The following EMD variants were observed in gnomAD, a reference collection of about 807,000 sequenced individuals.
EMD encodes the protein emerin.
EMD carries 2 observed loss-of-function variants against 15.2 expected under a neutral mutation model. The observed-to-expected ratio is 0.13, with a 90% CI of 0.05 to 0.41. EMD has a LOEUF of 0.41. Ranked by LOEUF, EMD falls within the 10% of genes least tolerant of loss-of-function variation. EMD has a pLI of 0.99. For missense variants in EMD, 224 were observed against 213.4 expected (o/e 1.05, Z -0.31); for synonymous variants, 122 against 86.2 (o/e 1.42, Z -2.30).
intron 4 of EMD, 114 bp downstream of exon 4, chrX:154,380,481 A>T: frequency 1.8e-6 from 2 of 1,115,745 alleles, no homozygotes; most frequent in Middle Eastern, 2.5e-4. Context: ...GCCTCCGGGG[A>T]GACTCTGTGT....
intron 4 of EMD, 135 bp downstream of exon 4, chrX:154,380,502 C>T (rs2067881110): frequency 1.7e-5 from 18 of 1,034,003 alleles, no homozygotes; most frequent in Non-Finnish European, 2.4e-5. Context: ...GACTAGAGCA[C>T]CCTGGTCTGG....
At chrX:154,380,476 C>T (rs1364224530) in intron 4 of EMD, 109 bp downstream of exon 4, 13 of 1,121,023 alleles carry the variant, frequency 1.2e-5, no homozygotes, top group African/African-American at 1.8e-5. Flanking sequence ...CTTGGGCCTC[C>T]GGGGAGACTC....
chrX:154,380,581 G>T (rs1557182508), intron 4 of EMD, 172 bp from the exon 5 acceptor site: 2 of 836,506 alleles, frequency 2.4e-6, no homozygotes, highest in East Asian at 3.3e-5. Flanking sequence ...AGCACAAGTG[G>T]CAAGGCCCCA....
chrX:154,380,822 A>T lies in EMD; in HGVS notation c.449+20A>T, dbSNP rs1335628803. 2 of 1,210,392 alleles carry T rather than the reference A, an allele frequency of 1.7e-6. No homozygotes were observed. The highest frequency in any genetic ancestry group is 2.2e-6 in the Non-Finnish European group (2 of 895,145). ...GGATAGGTGCGTAGTGGGGGAGCCCAGGGACGGGCTGGTTCTGGGTCCAGG... is the reference window on the plus strand; with the variant it reads ...GGATAGGTGCGTAGTGGGGGAGCCCTGGGACGGGCTGGTTCTGGGTCCAGG... On this transcript the variant is annotated intron_variant, in intron 5 of 5. Transcript: ENST00000369842.
intron 4 of EMD, 180 bp from the exon 5 acceptor site, chrX:154,380,573 C>A: frequency 1.2e-6 from 1 of 834,431 alleles, no homozygotes; most frequent in Non-Finnish European, 1.7e-6. Flanking sequence ...GGGGCATGAG[C>A]ACAAGTGGCA....
Position 154,379,449 on chromosome X carries a change from G to A in EMD, c.-36G>A. On this transcript the variant is annotated 5_prime_UTR_variant, in exon 1 of 6. Transcript: ENST00000369842. Reference sequence around the variant, plus strand: ...GCTCGGCCGGTTTTGGTAGGCCCGGGCCGCCGCCAGGCCTCCGCCTGAGCC... The same window carrying A: ...GCTCGGCCGGTTTTGGTAGGCCCGGACCGCCGCCAGGCCTCCGCCTGAGCC... The A allele has an allele frequency of 1.7e-6, 2 of 1,158,924 alleles. No individual in the cohort carries two copies. The highest frequency in any genetic ancestry group is 2.3e-6 in the Non-Finnish European group (2 of 867,416).
Position 154,379,399 on chromosome X carries a change from C to T in EMD, c.-86C>T. 1 of 1,020,251 alleles carries T rather than the reference C, an allele frequency of 9.8e-7. No homozygotes were observed. 84.1% of individuals were successfully genotyped at this position (1,020,251 alleles called of 1,213,427 possible). On this transcript the variant is annotated 5_prime_UTR_variant, in exon 1 of 6. Transcript: ENST00000369842. ...CCGCTCCCGATGCGCTCGTGCCGCCCCCGCCGTGCTCCTCGGCAGCCGTTG... is the reference window on the plus strand; with the variant it reads ...CCGCTCCCGATGCGCTCGTGCCGCCTCCGCCGTGCTCCTCGGCAGCCGTTG...
intron 1 of EMD, 34 bp downstream of exon 1, chrX:154,379,600 C>G: frequency 1.7e-6 from 2 of 1,179,853 alleles, no homozygotes; most frequent in South Asian, 3.7e-5. Flanking sequence ...CTTCCGGGCC[C>G]CCTCCTCGTG....
At position 154,381,354 on chromosome X, in the gene EMD, C is replaced by A; in HGVS notation, c.*157C>A. ...TAGCCCAGAGTAGTGCTTGCTCCCC[C>A]TGCCTTGTCCCACCAGGGAGGCAGC... On this transcript the variant is annotated 3_prime_UTR_variant, in exon 6 of 6. Coordinates refer to ENST00000369842, the MANE Select transcript of EMD (RefSeq NM_000117.3). The A allele has an allele frequency of 2.9e-6, 2 of 680,712 alleles. No homozygotes were observed. Among genetic ancestry groups the A allele is most frequent in the Admixed American group, 7.6e-5 (2 of 26,155 alleles). The allele number at this position is 680,712 out of a possible 1,213,427, so 56.1% of individuals were successfully genotyped here.
At position 154,380,761 on chromosome X, in the gene EMD, T is replaced by C. The variant is rs1569552096; in HGVS notation, c.408T>C (p.Asp136=). 8.3e-7 allele frequency: 1 copy of C among 1,211,890 alleles called. No individual in the cohort carries two copies. ...CTGACTCTCTTCTGCAGGTGCATGA[T>C]GACGATCTTTTGTCTTCTTCTGAAG... The part of the protein sequence containing the change: ...DADAFHHQVH[D]DDLLSSSEEE... Residue 136 remains aspartate (D), a synonymous_variant, in exon 5 of 6, where the codon GAT becomes GAC. Coordinates refer to ENST00000369842, the MANE Select transcript of EMD (RefSeq NM_000117.3).
chrX:154,379,663 G>T, intron 1 of EMD, 27 bp from the exon 2 acceptor site: 2 of 1,203,606 alleles, frequency 1.7e-6, no homozygotes, highest in Non-Finnish European at 2.2e-6. Flanking sequence ...CCCGGCCCGC[G>T]GCCCTGACCG....
Position 154,380,238 on chromosome X carries a change from C to T in EMD, c.270C>T (p.Tyr90=), listed in dbSNP as rs2148128465. 8.3e-7 allele frequency: 1 copy of T among 1,211,428 alleles called. No individual in the cohort carries two copies. Among genetic ancestry groups the T allele is most frequent in the Non-Finnish European group, 1.1e-6 (1 of 895,588 alleles). ...ACCGCTGCCCCCCTTCCCAAGGCTA[C>T]AATGACGACTACTATGAAGAGAGCT... The part of the protein sequence containing the change: ...EDALLYQSKG[Y]NDDYYEESYF... The change falls in exon 4 of 6, where the codon TAC becomes TAT. Residue 90 remains tyrosine (Y), a synonymous_variant. Transcript: ENST00000369842.
intron 4 of EMD, 136 bp from the exon 5 acceptor site, chrX:154,380,617 C>T: frequency 2.1e-6 from 2 of 931,260 alleles, no homozygotes; most frequent in South Asian, 2.0e-5. Context: ...ACACCCAGAG[C>T]CATTCAGGAG....
At chrX:154,380,639 C>G in intron 4 of EMD, 114 bp from the exon 5 acceptor site, 3 of 1,067,579 alleles carry the variant, frequency 2.8e-6, no homozygotes, top group Non-Finnish European at 3.9e-6. Context: ...GTGTGGGTTC[C>G]TGGCCTCTAA....
Position 154,379,939 on chromosome X carries a change from C to G in EMD, c.188-3C>G. ...ACAGTTCTGTCTCCTCCTTTCAATCCAGACTTGAATTCGACTAGAGGGGAT... is the reference window on the plus strand; with the variant it reads ...ACAGTTCTGTCTCCTCCTTTCAATCGAGACTTGAATTCGACTAGAGGGGAT... On this transcript the variant is annotated splice_polypyrimidine_tract_variant and splice_region_variant and intron_variant, in intron 2 of 5. Coordinates refer to ENST00000369842, the MANE Select transcript of EMD (RefSeq NM_000117.3). 8.3e-7 allele frequency: 1 copy of G among 1,210,286 alleles called. No homozygotes were observed.
Position 154,380,739 on chromosome X carries a change from A to G in EMD, c.400-14A>G, listed in dbSNP as rs781916367. On this transcript the variant is annotated splice_polypyrimidine_tract_variant and intron_variant, in intron 4 of 5. Transcript: ENST00000369842. ...CCTGCCAGCCAGTCCCCTCGCCCTG[A>G]CTCTCTTCTGCAGGTGCATGATGAC... 58 of 1,208,948 alleles carry G rather than the reference A, an allele frequency of 4.8e-5. No individual in the cohort carries two copies. The highest frequency in any genetic ancestry group is 6.3e-5 in the Non-Finnish European group (56 of 894,906).
Position 154,379,964 on chromosome X carries a change from T to C in EMD, c.210T>C (p.Asp70=). The change falls in exon 3 of 6, where the codon GAT becomes GAC. Residue 70 remains aspartate, a synonymous_variant. Coordinates refer to ENST00000369842, the MANE Select transcript of EMD (RefSeq NM_000117.3). The part of the protein sequence containing the change: ...SFSDLNSTRG[D]ADMYDLPKKE... ...CAGACTTGAATTCGACTAGAGGGGA[T>C]GCAGATATGTATGATCTTCCCAAGA... 2.5e-6 allele frequency: 3 copies of C among 1,211,087 alleles called. No individual in the cohort carries two copies. The highest frequency in any genetic ancestry group is 3.4e-6 in the Non-Finnish European group (3 of 895,163).
Position 154,379,925 on chromosome X carries a change from T to A in EMD, c.188-17T>A. 8.3e-7 allele frequency: 1 copy of A among 1,207,156 alleles called. No homozygotes were observed. Among genetic ancestry groups the A allele is most frequent in the Non-Finnish European group, 1.1e-6 (1 of 891,713 alleles). On this transcript the variant is annotated splice_polypyrimidine_tract_variant and intron_variant, in intron 2 of 5. Coordinates refer to ENST00000369842, the MANE Select transcript of EMD (RefSeq NM_000117.3). ...GTCTGGGGGGGCAAACAGTTCTGTC[T>A]CCTCCTTTCAATCCAGACTTGAATT...
chrX:154,380,747 C>T lies in EMD; in HGVS notation c.400-6C>T, dbSNP rs782396776. On this transcript the variant is annotated splice_region_variant and splice_polypyrimidine_tract_variant and intron_variant, in intron 4 of 5. Coordinates refer to ENST00000369842, the MANE Select transcript of EMD (RefSeq NM_000117.3). ...CCAGTCCCCTCGCCCTGACTCTCTT[C>T]TGCAGGTGCATGATGACGATCTTTT... 23 of 1,210,431 alleles carry T rather than the reference C, an allele frequency of 1.9e-5. No homozygotes were observed. Among genetic ancestry groups the T allele is most frequent in the Non-Finnish European group, 2.2e-5 (20 of 895,292 alleles).
Sources: allele counts gnomAD v4.1 joint callset, GRCh38; gene constraint gnomAD v4.1.1; transcripts MANE v1.5; gene names NCBI Gene and HGNC (gene_info 2026-07-23, HGNC 2026-07-21).